Variants in SSNA1 observed in about 807,000 individuals in gnomAD.
SSNA1 encodes the protein microtubule nucleation factor SSNA1.
SSNA1 carries 13 observed loss-of-function variants against 13.3 expected under a neutral mutation model. The ratio of observed to expected loss-of-function variants is 0.97; its 90% CI spans 0.63 to 1.55. SSNA1 has a LOEUF of 1.55. SSNA1 is among the 40% of genes most tolerant of loss of function. The pLI, the probability that SSNA1 is intolerant of heterozygous loss-of-function variation, is 0.00. For missense variants in SSNA1, 186 were observed against 152.7 expected (o/e 1.22, Z -1.15); for synonymous variants, 89 against 65.9 (o/e 1.35, Z -1.70).
intron 2 of SSNA1, among the ~76,000 whole-genome samples, 190 bp downstream of exon 2, chr9:137,189,455 CTG>C (rs1159681898): frequency 6.6e-6 from 1 of 152,224 alleles, no homozygotes; most frequent in Non-Finnish European, 1.5e-5. Context: ...GTGGGGCTGT[CTG>C]TGGGGCCTGG....
At chr9:137,188,964 G>A (rs1834548636) in intron 1 of SSNA1, 102 bp from the exon 2 acceptor site, 2 of 1,405,314 alleles carry the variant, frequency 1.4e-6, no homozygotes, top group Non-Finnish European at 9.5e-7. Flanking sequence ...CCGGGCGCTC[G>A]GGGGTGGTGC....
At chr9:137,188,815 C>A in intron 1 of SSNA1, 37 bp downstream of exon 1, 1 of 1,537,956 alleles carries the variant, frequency 6.5e-7, no homozygotes, top group Non-Finnish European at 8.7e-7. Flanking sequence ...GTCGGGAGGG[C>A]CGCAGGGCCG....
At position 137,189,619 on chromosome 9, in the gene SSNA1, G is replaced by A. The variant is rs60245284; in HGVS notation, c.253-188G>A. ...GGTGGAGAGGAAGTGTTTTGGGTCA[G>A]ATTCCGGAGGGAAGAGGGCCCTGCC... is the stretch of plus-strand genomic sequence containing the variant. On this transcript the variant is annotated intron_variant, in intron 2 of 2. Coordinates refer to ENST00000322310, the MANE Select transcript of SSNA1 (RefSeq NM_003731.3). Among the ~76,000 whole-genome samples the A allele has an allele frequency of 7.6e-3, 1,156 of 152,378 alleles. 13 individuals are homozygous for A. Among genetic ancestry groups the A allele is most frequent in the East Asian group, 0.029 (150 of 5,182 alleles).
intron 2 of SSNA1, 97 bp downstream of exon 2, chr9:137,189,362 G>A: frequency 1.4e-6 from 2 of 1,399,982 alleles, no homozygotes; most frequent in Non-Finnish European, 2.0e-6. Context: ...CCCGGCTGTG[G>A]GCAGTCTGTG....
At chr9:137,189,036 G>T in intron 1 of SSNA1, 30 bp from the exon 2 acceptor site, 1 of 1,549,514 alleles carries the variant, frequency 6.5e-7, no homozygotes, top group Non-Finnish European at 8.7e-7. Context: ...CCTGCCCTGG[G>T]CCCACAGCGC....
Position 137,189,983 on chromosome 9 carries a change from ATCT to A in SSNA1, c.*71_*73del. ...GCCCCAGCAAGTGTGTGCTCAGAGC[ATCT>A]TTGTTCTTCACGGCAGCAGCTACCT... On this transcript the variant is annotated 3_prime_UTR_variant, in exon 3 of 3. Transcript: ENST00000322310. 1 of 1,391,608 alleles carries A rather than the reference ATCT, an allele frequency of 7.2e-7. No homozygotes were observed. Among genetic ancestry groups the A allele is most frequent in the Admixed American group, 1.8e-5 (1 of 55,904 alleles). 86.2% of individuals were successfully genotyped at this position (1,391,608 alleles called of 1,614,324 possible).
At chr9:137,188,971 G>A (rs1044795497) in intron 1 of SSNA1, 95 bp from the exon 2 acceptor site, 10 of 1,455,396 alleles carry the variant, frequency 6.9e-6, no homozygotes, top group South Asian at 2.6e-5. Flanking sequence ...CTCGGGGGTG[G>A]TGCCTGACTC....
intron 2 of SSNA1, among the ~76,000 whole-genome samples, chr9:137,189,489 T>C (rs1489143639): frequency 6.6e-6 from 1 of 152,234 alleles, no homozygotes; most frequent in Non-Finnish European, 1.5e-5. Context: ...TCCTGGTCTT[T>C]ATCCGGTTCT....
At chr9:137,188,963 C>T (rs1834548580) in intron 1 of SSNA1, 103 bp from the exon 2 acceptor site, 2 of 1,405,472 alleles carry the variant, frequency 1.4e-6, no homozygotes, top group Non-Finnish European at 1.9e-6. Flanking sequence ...GCCGGGCGCT[C>T]GGGGGTGGTG....
At chr9:137,189,500 C>T (rs1020542132) in intron 2 of SSNA1, among the ~76,000 whole-genome samples, 1 of 152,242 alleles carries the variant, frequency 6.6e-6, no homozygotes, top group African/African-American at 2.4e-5. Context: ...ATCCGGTTCT[C>T]GCTAGCCATG....
chr9:137,189,740 G>C, intron 2 of SSNA1, 67 bp from the exon 3 acceptor site: 2 of 1,442,460 alleles, frequency 1.4e-6, no homozygotes, highest in Admixed American at 3.7e-5. Context: ...TGAGTGTGAG[G>C]ACAGCTGGGG....
chr9:137,188,788 G>A lies in SSNA1; in HGVS notation c.52+10G>A, dbSNP rs758506105. 7 of 1,566,438 alleles carry A rather than the reference G, an allele frequency of 4.5e-6. 1 individual carries two copies. Among genetic ancestry groups the A allele is most frequent in the Middle Eastern group, 1.7e-4 (1 of 5,776 alleles). ...AACGAGCTGGTCAAGTGTGAGCGGCGCAGCCGGGACGGGGAGGTCGGGAGG... is the reference window on the plus strand; with the variant it reads ...AACGAGCTGGTCAAGTGTGAGCGGCACAGCCGGGACGGGGAGGTCGGGAGG... On this transcript the variant is annotated intron_variant, in intron 1 of 2. Coordinates refer to ENST00000322310, the MANE Select transcript of SSNA1 (RefSeq NM_003731.3).
chr9:137,190,004 A>G lies in SSNA1; in HGVS notation c.*90A>G. 1 of 1,177,666 alleles carries G rather than the reference A, an allele frequency of 8.5e-7. No homozygotes were observed. Among genetic ancestry groups the G allele is most frequent in the Admixed American group, 2.0e-5 (1 of 50,290 alleles). The allele number at this position is 1,177,666 out of a possible 1,614,324, so 73.0% of individuals were successfully genotyped here. ...GAGCATCTTTGTTCTTCACGGCAGC[A>G]GCTACCTTCCCTCACTGTCTCAGGT... On this transcript the variant is annotated 3_prime_UTR_variant, in exon 3 of 3. Transcript: ENST00000322310.
chr9:137,189,059 C>T lies in SSNA1; in HGVS notation c.53-7C>T, dbSNP rs1170344043. 1.3e-6 allele frequency: 2 copies of T among 1,557,572 alleles called. No individual in the cohort carries two copies. Among genetic ancestry groups the T allele is most frequent in the Admixed American group, 3.8e-5 (2 of 51,978 alleles). On this transcript the variant is annotated splice_region_variant and splice_polypyrimidine_tract_variant and intron_variant, in intron 1 of 2. Coordinates refer to ENST00000322310, the MANE Select transcript of SSNA1 (RefSeq NM_003731.3). The stretch of plus-strand genomic sequence containing the variant: ...GGGCCCACAGCGCCGCCCCTCCCGG[C>T]CCCCAGGCATAGAGGAGCTGTGCCA...
intron 1 of SSNA1, 71 bp downstream of exon 1, chr9:137,188,849 C>A: frequency 1.4e-6 from 2 of 1,455,806 alleles, no homozygotes; most frequent in Non-Finnish European, 1.8e-6. Flanking sequence ...CAGCGGGGTG[C>A]CCCTGGACCC....
chr9:137,190,011 T>A lies in SSNA1; in HGVS notation c.*97T>A. 9.1e-7 allele frequency: 1 copy of A among 1,104,180 alleles called. No individual in the cohort carries two copies. Among genetic ancestry groups the A allele is most frequent in the Non-Finnish European group, 1.3e-6 (1 of 751,946 alleles). 68.4% of individuals were successfully genotyped at this position (1,104,180 alleles called of 1,614,324 possible). A position where few individuals can be genotyped will look rare whatever the true frequency, so the allele number is the denominator to read the frequency against. ...TTTGTTCTTCACGGCAGCAGCTACC[T>A]TCCCTCACTGTCTCAGGTGCCGAGA... On this transcript the variant is annotated 3_prime_UTR_variant, in exon 3 of 3. Coordinates refer to ENST00000322310, the MANE Select transcript of SSNA1 (RefSeq NM_003731.3).
At position 137,190,020 on chromosome 9, in the gene SSNA1, T is replaced by C. The variant is rs976369256; in HGVS notation, c.*106T>C. 2 of 1,036,574 alleles carry C rather than the reference T, an allele frequency of 1.9e-6. No individual in the cohort carries two copies. Among genetic ancestry groups the C allele is most frequent in the African/African-American group, 3.2e-5 (2 of 63,160 alleles). The allele number at this position is 1,036,574 out of a possible 1,614,324, so 64.2% of individuals were successfully genotyped here. A position where few individuals can be genotyped will look rare whatever the true frequency, so the allele number is the denominator to read the frequency against. On this transcript the variant is annotated 3_prime_UTR_variant, in exon 3 of 3. Transcript: ENST00000322310. ...CACGGCAGCAGCTACCTTCCCTCAC[T>C]GTCTCAGGTGCCGAGAGGGGCAGGT...
chr9:137,188,967 G>T, intron 1 of SSNA1, 99 bp from the exon 2 acceptor site: 1 of 1,430,940 alleles, frequency 7.0e-7, no homozygotes, highest in Non-Finnish European at 9.4e-7. Flanking sequence ...GGCGCTCGGG[G>T]GTGGTGCCTG....
Position 137,190,268 on chromosome 9 carries a change from C to A in SSNA1, c.*354C>A. ...CTCCTCAGCCAGCAGAGGCCCAGGG[C>A]AAGGGACAGGAGGACAGGGGTTCTC... is the stretch of plus-strand genomic sequence containing the variant. On this transcript the variant is annotated 3_prime_UTR_variant, in exon 3 of 3. Coordinates refer to ENST00000322310, the MANE Select transcript of SSNA1 (RefSeq NM_003731.3). 3.3e-6 allele frequency: 1 copy of A among 304,348 alleles called. No homozygotes were observed. Among genetic ancestry groups the A allele is most frequent in the African/African-American group, 2.1e-5 (1 of 46,910 alleles). The allele number at this position is 304,348 out of a possible 1,614,324, so 18.9% of individuals were successfully genotyped here. A position where few individuals can be genotyped will look rare whatever the true frequency, so the allele number is the denominator to read the frequency against.
Sources: allele counts gnomAD v4.1 joint callset (sites outside exome capture counted in the v4.1 genomes callset), GRCh38; gene constraint gnomAD v4.1.1; transcripts MANE v1.5; gene names NCBI Gene and HGNC (gene_info 2026-07-23, HGNC 2026-07-21).